Variants in COL4A2 observed in about 807,000 individuals in gnomAD.
COL4A2 encodes the protein collagen alpha-2(IV) chain.
Under a neutral mutation model 200.2 loss-of-function variants are expected in COL4A2, and 99 were observed. That is an observed-to-expected ratio of 0.49 (90% CI 0.42 to 0.58). COL4A2 has a LOEUF of 0.58. Among genes scored for constraint, COL4A2 ranks in the 20% least tolerant of loss-of-function variants. The pLI is 0.00. For synonymous variants in COL4A2, 897 were observed against 900.6 expected (o/e 1.00, Z 0.07); for missense variants, 1,950 against 2,314.1 (o/e 0.84, Z 3.23).
At chr13:110,420,346 C>T (rs1468933099) in intron 4 of COL4A2, among the ~76,000 whole-genome samples, 1 of 152,172 alleles carries the variant, frequency 6.6e-6, no homozygotes, top group Non-Finnish European at 1.5e-5. Flanking sequence ...AAGATAGAAG[C>T]AGTTCAACGA....
chr13:110,336,281 A>G (rs1282902308), intron 3 of COL4A2, among the ~76,000 whole-genome samples: 1 of 152,254 alleles, frequency 6.6e-6, no homozygotes, highest in Admixed American at 6.5e-5. Context: ...ATGAACACGC[A>G]GGGAATCATA....
At chr13:110,393,286 C>A (rs959809646) in intron 4 of COL4A2, among the ~76,000 whole-genome samples, 1 of 152,140 alleles carries the variant, frequency 6.6e-6, no homozygotes, top group African/African-American at 2.4e-5. Flanking sequence ...TAAAACTGAA[C>A]CTTTCGCTGG....
intron 4 of COL4A2, among the ~76,000 whole-genome samples, chr13:110,421,166 T>A (rs943143085): frequency 6.6e-6 from 1 of 152,162 alleles, no homozygotes; most frequent in Non-Finnish European, 1.5e-5. Flanking sequence ...GCAGTCAGTG[T>A]GGAAAAAGAA....
intron 12 of COL4A2, among the ~76,000 whole-genome samples, chr13:110,434,939 T>C (rs1795179064): frequency 6.6e-6 from 1 of 152,234 alleles, no homozygotes; most frequent in Admixed American, 6.5e-5. Flanking sequence ...GAGAGGAACG[T>C]GTGAGATCAC....
intron 6 of COL4A2, among the ~76,000 whole-genome samples, chr13:110,427,664 T>C (rs111879347): frequency 7.2e-5 from 11 of 152,348 alleles, no homozygotes; most frequent in African/African-American, 2.6e-4. Flanking sequence ...GCATAAATTA[T>C]AGATTATTAA....
intron 4 of COL4A2, among the ~76,000 whole-genome samples, chr13:110,396,611 G>A (rs1246403642): frequency 6.6e-6 from 1 of 152,124 alleles, no homozygotes; most frequent in Non-Finnish European, 1.5e-5. Context: ...TTGATCATGA[G>A]ACATCTCACC....
chr13:110,425,897 A>G (rs1030965462), intron 6 of COL4A2, among the ~76,000 whole-genome samples: 2 of 152,222 alleles, frequency 1.3e-5, no homozygotes, highest in Non-Finnish European at 2.9e-5. Flanking sequence ...CCCACCGTCG[A>G]GGAGACATCC....
chr13:110,504,413 C>T (rs138236835), intron 45 of COL4A2, 149 bp downstream of exon 45: 3 of 646,542 alleles, frequency 4.6e-6, no homozygotes, highest in Non-Finnish European at 8.1e-6. Context: ...CTGGGCGTAG[C>T]AGCTACACTC....
chr13:110,341,371 C>T (rs1876445997), intron 3 of COL4A2, among the ~76,000 whole-genome samples: 1 of 152,214 alleles, frequency 6.6e-6, no homozygotes, highest in South Asian at 2.1e-4. Flanking sequence ...CTGTGGGACT[C>T]ACTCACGAGC....
At chr13:110,373,874 C>T (rs972906909) in intron 4 of COL4A2, among the ~76,000 whole-genome samples, 7 of 152,226 alleles carry the variant, frequency 4.6e-5, no homozygotes, top group Non-Finnish European at 7.3e-5. Context: ...GGGCAGCATC[C>T]GTTTTCTTTT....
chr13:110,308,642 T>G (rs1884879342), intron 3 of COL4A2, among the ~76,000 whole-genome samples: 1 of 152,070 alleles, frequency 6.6e-6, no homozygotes, highest in African/African-American at 2.4e-5. Flanking sequence ...GAGGGAACAA[T>G]GGCAGAAAAA....
chr13:110,512,144 A>C lies in COL4A2; in HGVS notation c.5092A>C (p.Ile1698Leu). 6.2e-7 allele frequency: 1 copy of C among 1,613,426 alleles called. No homozygotes were observed. Among genetic ancestry groups the C allele is most frequent in the Non-Finnish European group, 8.5e-7 (1 of 1,180,018 alleles). ...CGCCGACACGCTCAAGGCCGGCCTC[A>C]TCCGCACACACATCAGCCGCTGCCA... ...PSADTLKAGLIRTHISRCQVC... is the reference protein window; with the variant it reads ...PSADTLKAGLLRTHISRCQVC... The change falls in exon 48 of 48, where the codon ATC becomes CTC. Residue 1698 changes from isoleucine (I) to leucine (L), a missense_variant. By Grantham distance (5) the Ile-to-Leu change is conservative. This residue lies in a region of COL4A2 where 1,385 missense variants were observed against 1,720.5 expected (regional missense o/e 0.80). Coordinates refer to ENST00000360467, the MANE Select transcript of COL4A2 (RefSeq NM_001846.4).
chr13:110,335,703 C>T (rs189030008), intron 3 of COL4A2, among the ~76,000 whole-genome samples: 1 of 152,332 alleles, frequency 6.6e-6, no homozygotes, highest in East Asian at 1.9e-4. Context: ...CATCACATGA[C>T]AAGGCTTGGC....
chr13:110,493,148 A>T, intron 38 of COL4A2, 63 bp from the exon 39 acceptor site: 3 of 1,592,448 alleles, frequency 1.9e-6, no homozygotes, highest in Non-Finnish European at 2.6e-6. Context: ...CGCAGGTGAA[A>T]TAAATAACGA....
At position 110,424,864 on chromosome 13, in the gene COL4A2, A is replaced by G; in HGVS notation, c.311A>G (p.Asp104Gly). 1 of 1,614,160 alleles carries G rather than the reference A, an allele frequency of 6.2e-7. No homozygotes were observed. The highest frequency in any genetic ancestry group is 8.5e-7 in the Non-Finnish European group (1 of 1,180,014). ...GAPGVTGPKG[D>G]VGARGVSGFP... ...CCCGGAGTAACGGGACCCAAGGGCG[A>G]CGTGGTACGCACCGCTGGTGTATTC... The change falls in exon 5 of 48, where the codon GAC (aspartate) becomes GGC (glycine). Residue 104 changes from aspartate (D) to glycine (G), a missense_variant. By Grantham distance (94) the Asp-to-Gly change is moderately conservative. Transcript: ENST00000360467.
At position 110,428,440 on chromosome 13, in the gene COL4A2, T is replaced by C. The variant is rs780287080; in HGVS notation, c.361-27T>C. The C allele has an allele frequency of 2.1e-6, 3 of 1,403,040 alleles. No individual in the cohort carries two copies. The Admixed American group carries it at 6.4e-5, about 30-fold the overall frequency. 86.9% of individuals were successfully genotyped at this position (1,403,040 alleles called of 1,614,324 possible). A position where few individuals can be genotyped will look rare whatever the true frequency, so the allele number is the denominator to read the frequency against. On this transcript the variant is annotated intron_variant, in intron 6 of 47. Transcript: ENST00000360467. The stretch of plus-strand genomic sequence containing the variant: ...GACAACTAGAAGCCTGCTGGTTGGC[T>C]GATTCTCTCACTGCTCTCTTTCCCA...
chr13:110,373,827 C>G (rs1240391520), intron 4 of COL4A2, among the ~76,000 whole-genome samples: 1 of 152,250 alleles, frequency 6.6e-6, no homozygotes, highest in East Asian at 1.9e-4. Context: ...TTTTCCTTAT[C>G]CCTTGTTGAG....
intron 4 of COL4A2, among the ~76,000 whole-genome samples, chr13:110,424,527 T>C (rs891475930): frequency 1.2e-4 from 18 of 148,368 alleles, no homozygotes; most frequent in African/African-American, 4.4e-4. Flanking sequence ...ATAATTTTTT[T>C]CTCACATTCC....
intron 4 of COL4A2, among the ~76,000 whole-genome samples, chr13:110,368,134 C>T (rs1054244567): frequency 6.6e-6 from 1 of 152,168 alleles, no homozygotes; most frequent in African/African-American, 2.4e-5. Context: ...CTCCCAGCCC[C>T]GTATTCAGGA....
Sources: allele counts gnomAD v4.1 joint callset (sites outside exome capture counted in the v4.1 genomes callset), GRCh38; gene constraint gnomAD v4.1.1; regional missense constraint gnomAD v4.1.1; transcripts MANE v1.5; gene names NCBI Gene and HGNC (gene_info 2026-07-23, HGNC 2026-07-21).